Variants in AKT3 observed in about 807,000 individuals in gnomAD.
AKT3 encodes RAC-gamma serine/threonine-protein kinase.
AKT3 carries 15 observed loss-of-function variants against 65.3 expected under a neutral mutation model. The ratio of observed to expected loss-of-function variants is 0.23; its 90% CI spans 0.15 to 0.35. The LOEUF (loss-of-function observed/expected upper bound fraction) is 0.35. Ranked by LOEUF, AKT3 falls within the 10% of genes least tolerant of loss-of-function variation. AKT3 has a pLI of 1.00. For synonymous variants in AKT3, 206 were observed against 183.8 expected, an observed-to-expected ratio of 1.12 and a Z score of -0.98; for missense variants, 243 against 576.5, an observed-to-expected ratio of 0.42 and a Z score of 5.92.
chr1:243,704,636 G>A (rs763046837), intron 2 of AKT3, among the ~76,000 whole-genome samples: 9 of 152,214 alleles, frequency 5.9e-5, no homozygotes, highest in Middle Eastern at 3.4e-3. Context: ...GAATATCAGC[G>A]TAGGATTCTT....
chr1:243,835,167 T>C (rs149311952), intron 2 of AKT3, among the ~76,000 whole-genome samples: 3 of 152,308 alleles, frequency 2.0e-5, no homozygotes, highest in South Asian at 2.1e-4. Context: ...CCGTCCATTA[T>C]AGAACATTCA....
chr1:243,648,270 A>G (rs1418472231), intron 4 of AKT3, among the ~76,000 whole-genome samples: 2 of 149,844 alleles, frequency 1.3e-5, no homozygotes, highest in African/African-American at 2.5e-5. Context: ...AAAAAAAAAA[A>G]GAAAAGAAAA....
intron 2 of AKT3, among the ~76,000 whole-genome samples, chr1:243,809,047 GGAACAACCAGTACCAGCCACTGCAAAA>G (rs1692944687): frequency 6.6e-6 from 1 of 152,146 alleles, no homozygotes; most frequent in Non-Finnish European, 1.5e-5. Flanking sequence ...AACATGGAAA[GGAACAACCAGTACCAGCCACTGCAAAA>G]ACATGCCAAA....
intron 2 of AKT3, among the ~76,000 whole-genome samples, chr1:243,696,418 C>T (rs1685070076): frequency 6.6e-6 from 1 of 151,796 alleles, no homozygotes; most frequent in African/African-American, 2.4e-5. Context: ...AAGGTACCAC[C>T]TAGCCACCAA....
chr1:243,558,654 C>G (rs1673570612), intron 10 of AKT3, among the ~76,000 whole-genome samples: 1 of 152,012 alleles, frequency 6.6e-6, no homozygotes, highest in Non-Finnish European at 1.5e-5. Context: ...TTTGTTAGTT[C>G]TAACTTGATT....
At chr1:243,680,949 G>T (rs1442850506) in intron 3 of AKT3, among the ~76,000 whole-genome samples, 1 of 152,116 alleles carries the variant, frequency 6.6e-6, no homozygotes, top group East Asian at 1.9e-4. Context: ...GACTAGTCTA[G>T]AGGCATGGAA....
At chr1:243,714,286 G>T (rs1686357730) in intron 2 of AKT3, among the ~76,000 whole-genome samples, 1 of 152,038 alleles carries the variant, frequency 6.6e-6, no homozygotes, top group East Asian at 1.9e-4. Flanking sequence ...TTAATTTATT[G>T]GCCTTGCACT....
At chr1:243,718,702 T>A (rs1686679099) in intron 2 of AKT3, among the ~76,000 whole-genome samples, 1 of 152,152 alleles carries the variant, frequency 6.6e-6, no homozygotes, top group African/African-American at 2.4e-5. Flanking sequence ...CTCGATCTCC[T>A]GACCTCGTGA....
intron 4 of AKT3, among the ~76,000 whole-genome samples, chr1:243,650,436 T>G (rs1681220571): frequency 6.6e-6 from 1 of 152,252 alleles, no homozygotes; most frequent in Non-Finnish European, 1.5e-5. Flanking sequence ...CAATTTTCGC[T>G]TTTGTTGCCA....
At chr1:243,692,558 C>T (rs1684763067) in intron 3 of AKT3, among the ~76,000 whole-genome samples, 1 of 150,874 alleles carries the variant, frequency 6.6e-6, no homozygotes, top group South Asian at 2.1e-4. Context: ...CATGGTGAAA[C>T]CCCATCTCTA....
chr1:243,710,656 G>T (rs1160968541), intron 2 of AKT3, among the ~76,000 whole-genome samples: 1 of 152,136 alleles, frequency 6.6e-6, no homozygotes, highest in Non-Finnish European at 1.5e-5. Flanking sequence ...AAAGAAAAAT[G>T]TAAAGAACCA....
Position 243,850,121 on chromosome 1 carries a change from G to A in AKT3, c.-194C>T, listed in dbSNP as rs1695706256. ...ATGGAGCCGGGGGGGGGCGGGGGGA[G>A]GAGAGGGGGCGACTCGGGGGTCCCC... On this transcript the variant is annotated 5_prime_UTR_variant, in exon 1 of 14. Coordinates refer to ENST00000673466, the MANE Select transcript of AKT3 (RefSeq NM_005465.7). 1 of 153,174 alleles carries A rather than the reference G, an allele frequency of 6.5e-6. No homozygotes were observed. The highest frequency in any genetic ancestry group is 2.5e-5 in the African/African-American group (1 of 39,958). The allele number at this position is 153,174 out of a possible 1,614,324, so 9.5% of individuals were successfully genotyped here. A position where few individuals can be genotyped will look rare whatever the true frequency, so the allele number is the denominator to read the frequency against.
chr1:243,848,859 T>C (rs1260132503), intron 1 of AKT3, among the ~76,000 whole-genome samples: 2 of 152,266 alleles, frequency 1.3e-5, no homozygotes, highest in Non-Finnish European at 2.9e-5. Flanking sequence ...TACCAGGCTT[T>C]CAACCAAAAT....
intron 2 of AKT3, among the ~76,000 whole-genome samples, chr1:243,716,125 C>T (rs1391572378): frequency 6.6e-6 from 1 of 152,028 alleles, no homozygotes; most frequent in Admixed American, 6.6e-5. Flanking sequence ...GCCAAGAATA[C>T]ATGATTTTTA....
chr1:243,722,763 T>C (rs1457119274), intron 2 of AKT3, among the ~76,000 whole-genome samples: 1 of 152,102 alleles, frequency 6.6e-6, no homozygotes, highest in Non-Finnish European at 1.5e-5. Flanking sequence ...CCATGGCAAA[T>C]TATACCTCAA....
chr1:243,782,489 G>A (rs1041645038), intron 2 of AKT3, among the ~76,000 whole-genome samples: 5 of 152,036 alleles, frequency 3.3e-5, no homozygotes, highest in African/African-American at 1.2e-4. Flanking sequence ...GTACCTTCTT[G>A]CCCCCATTTA....
At chr1:243,593,273 C>T (rs1195477380) in intron 8 of AKT3, among the ~76,000 whole-genome samples, 2 of 152,138 alleles carry the variant, frequency 1.3e-5, no homozygotes, top group Non-Finnish European at 2.9e-5. Flanking sequence ...AAAAACTTAA[C>T]AAAACTTCTC....
At chr1:243,844,525 CTAGAG>C (rs1406111188) in intron 1 of AKT3, among the ~76,000 whole-genome samples, 9 of 152,102 alleles carry the variant, frequency 5.9e-5, no homozygotes, top group South Asian at 4.1e-4. Flanking sequence ...ATCATCCAGG[CTAGAG>C]TAGAGTGGCA....
intron 2 of AKT3, among the ~76,000 whole-genome samples, chr1:243,831,638 G>A (rs1198776931): frequency 6.6e-6 from 1 of 152,118 alleles, no homozygotes; most frequent in Non-Finnish European, 1.5e-5. Context: ...GTTACTCAAA[G>A]AGAGAAAACA....
Sources: allele counts gnomAD v4.1 joint callset (sites outside exome capture counted in the v4.1 genomes callset), GRCh38; gene constraint gnomAD v4.1.1; transcripts MANE v1.5; gene names NCBI Gene and HGNC (gene_info 2026-07-23, HGNC 2026-07-21).